The following OR2T12 variants were observed in gnomAD, a reference collection of about 807,000 sequenced individuals.
The protein encoded by OR2T12 is olfactory receptor family 2 subfamily T member 12.
For synonymous variants in OR2T12, 127 were observed against 160.5 expected (o/e 0.79, Z 1.58); for missense variants, 335 against 404.3 (o/e 0.83, Z 1.47).
At position 248,290,213 on chromosome 1, in the gene OR2T12, T is replaced by G. The variant is rs1373470633; in HGVS notation, c.*4403A>C. The G allele has an allele frequency of 6.6e-6, 1 of 152,146 alleles. No homozygotes were observed. 9.4% of individuals were successfully genotyped at this position (152,146 alleles called of 1,614,324 possible). A position where few individuals can be genotyped will look rare whatever the true frequency, so the allele number is the denominator to read the frequency against. On this transcript the variant is annotated 3_prime_UTR_variant, in exon 3 of 3. Transcript: ENST00000641276. ...ATAAACAGAAAAGAGGCCTCAGAAT[T>G]AATGCCATACAACCATCTGTTCTTT...
intron 2 of OR2T12, among the ~76,000 whole-genome samples, chr1:248,298,311 T>C (rs1659764919): frequency 6.6e-6 from 1 of 152,156 alleles, no homozygotes; most frequent in African/African-American, 2.4e-5. Flanking sequence ...TCTAAAATTC[T>C]CTTTTTTGGT....
At chr1:248,297,172 A>T (rs150452781) in intron 2 of OR2T12, among the ~76,000 whole-genome samples, 1 of 150,746 alleles carries the variant, frequency 6.6e-6, no homozygotes, top group African/African-American at 2.4e-5. Flanking sequence ...GTAGATATGC[A>T]GCGTTATTTC....
At chr1:248,299,584 A>G (rs1213087044) in intron 2 of OR2T12, among the ~76,000 whole-genome samples, 1 of 152,170 alleles carries the variant, frequency 6.6e-6, no homozygotes, top group Non-Finnish European at 1.5e-5. Context: ...CACAATAATA[A>G]TGGAAGACTT....
intron 2 of OR2T12, 131 bp downstream of exon 2, chr1:248,301,242 A>G (rs1659807855): frequency 6.6e-6 from 1 of 152,144 alleles, no homozygotes; most frequent in Non-Finnish European, 1.5e-5. Context: ...AGATTGCCCT[A>G]TGCCTTCTAT....
In OR2T12 at chr1:248,294,956, G is replaced by A. The variant is rs376910225; in HGVS notation, c.623C>T (p.Pro208Leu). 15 of 1,611,554 alleles carry A rather than the reference G, an allele frequency of 9.3e-6. No homozygotes were observed. The African/African-American group carries it at 1.9e-4, about 20-fold the overall frequency. Residue 208 changes from proline to leucine, a missense_variant, in exon 3 of 3, where the codon CCC (proline) becomes CTC (leucine). Pro to Leu is a moderately conservative substitution (Grantham distance 98). Transcript: ENST00000641276. ...YICCVLMLLV[P>L]FSLILSSYGL... is the part of the protein sequence containing the mutation. The stretch of plus-strand genomic sequence containing the variant: ...ATAGGAGGACAGGATGAGGGAAAAG[G>A]GGACCAGGAGCATTAACACACAGCA...
intron 2 of OR2T12, among the ~76,000 whole-genome samples, chr1:248,297,203 A>C (rs1046504194): frequency 3.9e-4 from 59 of 151,916 alleles, no homozygotes; most frequent in African/African-American, 1.4e-3. Flanking sequence ...GTTCTGTTCC[A>C]TTGATCTATA....
intron 2 of OR2T12, among the ~76,000 whole-genome samples, chr1:248,299,316 G>A (rs1659780023): frequency 6.6e-6 from 1 of 152,052 alleles, no homozygotes; most frequent in Non-Finnish European, 1.5e-5. Flanking sequence ...ACACACATAG[G>A]CTCAAAATAA....
Position 248,293,568 on chromosome 1 carries a change from T to G in OR2T12, c.*1048A>C, listed in dbSNP as rs1207804041. 6.6e-6 allele frequency: 1 copy of G among 152,126 alleles called. No individual in the cohort carries two copies. Among genetic ancestry groups the G allele is most frequent in the East Asian group, 1.9e-4 (1 of 5,188 alleles). The allele number at this position is 152,126 out of a possible 1,614,324, so 9.4% of individuals were successfully genotyped here. ...TTATTCTTCTGCAAACTCCAAATCT[T>G]TAAAATGTGTCCCAAATTTTTCATC... On this transcript the variant is annotated 3_prime_UTR_variant, in exon 3 of 3. Coordinates refer to ENST00000641276, the MANE Select transcript of OR2T12 (RefSeq NM_001004692.2).
At chr1:248,298,137 A>C (rs1336811927) in intron 2 of OR2T12, among the ~76,000 whole-genome samples, 1 of 152,122 alleles carries the variant, frequency 6.6e-6, no homozygotes, top group Non-Finnish European at 1.5e-5. Flanking sequence ...GGCTCTGTTT[A>C]TATGCTGGAT....
intron 2 of OR2T12, among the ~76,000 whole-genome samples, chr1:248,299,800 G>C (rs1301777958): frequency 6.6e-6 from 1 of 152,054 alleles, no homozygotes; most frequent in South Asian, 2.1e-4. Flanking sequence ...GCTCTCCTCC[G>C]CAAATCTAAA....
At chr1:248,299,358 A>G (rs1271349963) in intron 2 of OR2T12, among the ~76,000 whole-genome samples, 1 of 152,080 alleles carries the variant, frequency 6.6e-6, no homozygotes, top group Non-Finnish European at 1.5e-5. Flanking sequence ...AAGCAAATGG[A>G]AAACAAAAAA....
intron 2 of OR2T12, among the ~76,000 whole-genome samples, chr1:248,296,187 TC>T (rs1184296912): frequency 6.6e-6 from 1 of 152,216 alleles, no homozygotes; most frequent in Non-Finnish European, 1.5e-5. Context: ...CATGAACTCA[TC>T]CTTTTTTATG....
At chr1:248,296,062 T>C (rs1056986812) in intron 2 of OR2T12, among the ~76,000 whole-genome samples, 2 of 144,126 alleles carry the variant, frequency 1.4e-5, no homozygotes, top group Non-Finnish European at 3.0e-5. Flanking sequence ...TGTCCATGTG[T>C]TCTCATTGTT....
At position 248,294,605 on chromosome 1, in the gene OR2T12, C is replaced by T. The variant is rs368194943; in HGVS notation, c.*11G>A. ...AATAAATTCAGGAACTTAGACTCAT[C>T]TGACACTAGATCATCTTGACCTGTG... On this transcript the variant is annotated 3_prime_UTR_variant, in exon 3 of 3. Coordinates refer to ENST00000641276, the MANE Select transcript of OR2T12 (RefSeq NM_001004692.2). 8.2e-5 allele frequency: 132 copies of T among 1,610,874 alleles called. 2 individuals carry two copies. The African/African-American group carries it at 1.4e-3, about 17-fold the overall frequency.
rs1281214346 is a variant in OR2T12, at chr1:248,291,470, C to T, written c.*3146G>A. On this transcript the variant is annotated 3_prime_UTR_variant, in exon 3 of 3. Coordinates refer to ENST00000641276, the MANE Select transcript of OR2T12 (RefSeq NM_001004692.2). ...CAAACAAATGAAAAAATATTCCATG[C>T]TCATGGATAGGAAGAATCAATACCA... 2.0e-5 allele frequency: 3 copies of T among 152,088 alleles called. No homozygotes were observed. The East Asian group carries it at 5.8e-4, about 29-fold the overall frequency. 9.4% of individuals were successfully genotyped at this position (152,088 alleles called of 1,614,324 possible).
Position 248,293,124 on chromosome 1 carries a change from A to G in OR2T12, c.*1492T>C, listed in dbSNP as rs1319290025. 6.6e-6 allele frequency: 1 copy of G among 152,152 alleles called. No individual in the cohort carries two copies. The highest frequency in any genetic ancestry group is 1.5e-5 in the Non-Finnish European group (1 of 68,006). 9.4% of individuals were successfully genotyped at this position (152,152 alleles called of 1,614,324 possible). ...TCCTCAAGTCTTCCAAGGAGACAAG[A>G]GTTTACTGAATAGCCTTCTCTTAAG... On this transcript the variant is annotated 3_prime_UTR_variant, in exon 3 of 3. Transcript: ENST00000641276.
chr1:248,296,133 C>A (rs561925016), intron 2 of OR2T12, among the ~76,000 whole-genome samples: 1 of 152,114 alleles, frequency 6.6e-6, no homozygotes, highest in African/African-American at 2.4e-5. Flanking sequence ...CAATAGTTTA[C>A]TGAGAATGAT....
At chr1:248,301,007 A>C (rs1427982871) in intron 2 of OR2T12, among the ~76,000 whole-genome samples, 1 of 152,128 alleles carries the variant, frequency 6.6e-6, no homozygotes, top group Non-Finnish European at 1.5e-5. Flanking sequence ...GTAAATCTAC[A>C]TATCCCTCTG....
chr1:248,297,067 C>G (rs1196988262), intron 2 of OR2T12, among the ~76,000 whole-genome samples: 1 of 152,150 alleles, frequency 6.6e-6, no homozygotes, highest in Admixed American at 6.5e-5. Flanking sequence ...CAGCTTTCTA[C>G]ATATGGCTAG....
Sources: gnomAD v4.1 joint callset for allele counts (sites outside exome capture counted in the v4.1 genomes callset) on GRCh38, gnomAD v4.1.1 for gene constraint, MANE v1.5 for transcripts, NCBI Gene and HGNC (gene_info 2026-07-23, HGNC 2026-07-21) for gene names.